The following DNAH9 variants were observed in gnomAD, a reference collection of about 807,000 sequenced individuals.
DNAH9 encodes the protein dynein axonemal heavy chain 9.
A neutral mutation model predicts 471.6 loss-of-function variants in DNAH9; 345 were observed. That is an observed-to-expected ratio of 0.73 (90% confidence interval 0.67 to 0.80). The LOEUF is 0.80. DNAH9 is among the 30% of genes least tolerant of loss of function. The probability of loss-of-function intolerance (pLI) is 0.00; values close to 1 mark genes in which losing one functional copy is unlikely to be tolerated. For synonymous variants in DNAH9, 2,093 were observed against 2,123.6 expected (o/e 0.99, Z 0.40); for missense variants, 5,407 against 5,609.2 (o/e 0.96, Z 1.15).
chr17:11,707,793 C>T (rs1461244377), intron 26 of DNAH9, among the ~76,000 whole-genome samples: 1 of 152,048 alleles, frequency 6.6e-6, no homozygotes, highest in Admixed American at 6.6e-5. Context: ...GTTCCTTGAT[C>T]ACCTGGAGTT....
intron 50 of DNAH9, among the ~76,000 whole-genome samples, chr17:11,857,350 C>T (rs1378712771): frequency 6.6e-6 from 1 of 152,148 alleles, no homozygotes; most frequent in African/African-American, 2.4e-5. Context: ...CCTCTCCATC[C>T]TCCACTTATA....
At position 11,619,540 on chromosome 17, in the gene DNAH9, T is replaced by C; in HGVS notation, c.1117-8T>C. On this transcript the variant is annotated splice_polypyrimidine_tract_variant and splice_region_variant and intron_variant, in intron 5 of 68. Coordinates refer to ENST00000262442, the MANE Select transcript of DNAH9 (RefSeq NM_001372.4). Reference sequence around the variant, plus strand: ...CTGCTCAGTGATACTAATCTGTTTGTATACCAGGCCTCTAATTATCTCAGC... The same window carrying C: ...CTGCTCAGTGATACTAATCTGTTTGCATACCAGGCCTCTAATTATCTCAGC... 6.4e-7 allele frequency: 1 copy of C among 1,563,902 alleles called. No individual in the cohort carries two copies. The highest frequency in any genetic ancestry group is 8.8e-7 in the Non-Finnish European group (1 of 1,134,358).
chr17:11,807,870 A>T lies in DNAH9; in HGVS notation c.8559A>T (p.Lys2853Asn), dbSNP rs61744380. 7.8e-5 allele frequency: 126 copies of T among 1,611,522 alleles called. No individual in the cohort carries two copies. In the African/African-American group the frequency reaches 1.2e-3, roughly 16 times the overall value. The change falls in exon 44 of 69, where the codon AAA (lysine) becomes AAT (asparagine). Residue 2853 changes from lysine to asparagine, a missense_variant. By Grantham distance (94) the Lys-to-Asn change is moderately conservative (BLOSUM62 0). Around this residue, in one of 3 missense-constraint regions of DNAH9, gnomAD observed 4,636 missense variants for 4,900.3 expected, o/e 0.95. Transcript: ENST00000262442. ...ATGTCTTCCAGATCACACTGCGCAAAGGCTACCAGATCCAGGACTTCAAGG... is the reference window on the plus strand; with the variant it reads ...ATGTCTTCCAGATCACACTGCGCAATGGCTACCAGATCCAGGACTTCAAGG... Reference protein sequence around the residue: ...SMDVFQITLRKGYQIQDFKMD... With the variant: ...SMDVFQITLRNGYQIQDFKMD...
At chr17:11,757,500 G>T (rs1317870919) in intron 34 of DNAH9, 45 bp from the exon 35 acceptor site, 1 of 1,518,488 alleles carries the variant, frequency 6.6e-7, no homozygotes, top group Non-Finnish European at 9.1e-7. Context: ...AAAATATAAT[G>T]ATGTATATGG....
In DNAH9 at chr17:11,763,424, G is replaced by T. The variant is rs754566136; in HGVS notation, c.6996-16G>T. On this transcript the variant is annotated splice_polypyrimidine_tract_variant and intron_variant, in intron 35 of 68. Transcript: ENST00000262442. The stretch of plus-strand genomic sequence containing the variant: ...TATCCTCTGTGTTTCAGATCCCCTC[G>T]GGTCTCTCTTTGCAGGTTTAAGAAG... 2 of 1,611,490 alleles carry T rather than the reference G, an allele frequency of 1.2e-6. No individual in the cohort carries two copies. Among genetic ancestry groups the T allele is most frequent in the East Asian group, 2.2e-5 (1 of 44,832 alleles).
At chr17:11,914,518 A>T (rs112400075) in intron 61 of DNAH9, among the ~76,000 whole-genome samples, 3 of 152,160 alleles carry the variant, frequency 2.0e-5, no homozygotes, top group Admixed American at 6.5e-5. Context: ...GCTGGCATAA[A>T]TTATCAGAAA....
intron 41 of DNAH9, among the ~76,000 whole-genome samples, chr17:11,784,880 A>G (rs1968807009): frequency 7.3e-6 from 1 of 136,106 alleles, no homozygotes; most frequent in Admixed American, 6.8e-5. Flanking sequence ...AGAAAGAAAG[A>G]AAACTATTTT....
intron 28 of DNAH9, among the ~76,000 whole-genome samples, chr17:11,738,365 G>A (rs2075381536): frequency 6.6e-6 from 1 of 152,140 alleles, no homozygotes; most frequent in Non-Finnish European, 1.5e-5. Context: ...AAATGTGGCT[G>A]TGGGCAGCCA....
In DNAH9 at chr17:11,930,028, A is replaced by C. The variant is rs1483390096; in HGVS notation, c.12040A>C (p.Ile4014Leu). 2 of 1,614,080 alleles carry C rather than the reference A, an allele frequency of 1.2e-6. No individual in the cohort carries two copies. Among genetic ancestry groups the C allele is most frequent in the Non-Finnish European group, 1.7e-6 (2 of 1,180,014 alleles). Reference sequence around the variant, plus strand: ...GGGCATCCTGGAGAACTCCATTAAGATCACCAATGAGCCCCCCACGGGCAT... The same window carrying C: ...GGGCATCCTGGAGAACTCCATTAAGCTCACCAATGAGCCCCCCACGGGCAT... ...PQGILENSIKITNEPPTGMHA... is the reference protein window; with the variant it reads ...PQGILENSIKLTNEPPTGMHA... Residue 4014 changes from isoleucine (I) to leucine (L), a missense_variant, in exon 63 of 69, where the codon ATC (isoleucine) becomes CTC (leucine). Physicochemically the swap from Ile to Leu is conservative, Grantham distance 5. Transcript: ENST00000262442.
At chr17:11,739,243 C>G (rs1303056009) in intron 29 of DNAH9, among the ~76,000 whole-genome samples, 2 of 152,194 alleles carry the variant, frequency 1.3e-5, no homozygotes, top group African/African-American at 4.8e-5. Context: ...CATTTTAAAT[C>G]CATACGTTGG....
At chr17:11,685,100 G>A (rs1236079833) in intron 19 of DNAH9, among the ~76,000 whole-genome samples, 2 of 152,082 alleles carry the variant, frequency 1.3e-5, no homozygotes, top group Non-Finnish European at 2.9e-5. Flanking sequence ...AGGACTTATA[G>A]CCTCAGGGAC....
At chr17:11,799,107 G>T (rs148703647) in intron 43 of DNAH9, among the ~76,000 whole-genome samples, 2 of 152,074 alleles carry the variant, frequency 1.3e-5, no homozygotes, top group Admixed American at 1.3e-4. Context: ...TCCTTGGCTT[G>T]CTTGGCTCCC....
chr17:11,619,962 G>A, intron 6 of DNAH9, 181 bp downstream of exon 6: 2 of 581,546 alleles, frequency 3.4e-6, no homozygotes, highest in Admixed American at 3.0e-5. Flanking sequence ...AATCCCACTA[G>A]CACTTTGGGA....
intron 17 of DNAH9, among the ~76,000 whole-genome samples, chr17:11,679,335 A>G (rs555834758): frequency 6.6e-6 from 1 of 152,336 alleles, no homozygotes; most frequent in South Asian, 2.1e-4. Flanking sequence ...TCACAAAGCA[A>G]TGCTATCGCA....
At chr17:11,610,644 G>A (rs1331354159) in intron 3 of DNAH9, 90 bp downstream of exon 3, 8 of 1,267,546 alleles carry the variant, frequency 6.3e-6, no homozygotes, top group Non-Finnish European at 7.7e-6. Flanking sequence ...CCACCATTGA[G>A]CCTATTCTTC....
At chr17:11,608,472 C>A (rs1199279352) in intron 2 of DNAH9, 147 bp downstream of exon 2, 2 of 667,592 alleles carry the variant, frequency 3.0e-6, no homozygotes, top group Non-Finnish European at 2.5e-6. Context: ...TTTGCCGACA[C>A]CCTCAGACTG....
At chr17:11,612,504 C>T (rs978475914) in intron 4 of DNAH9, 2 of 152,290 alleles carry the variant, frequency 1.3e-5, no homozygotes, top group African/African-American at 4.8e-5. Flanking sequence ...CAGGTCCCTC[C>T]ACCTTTGGCT....
chr17:11,672,477 C>CA (rs1567708557), intron 17 of DNAH9, among the ~76,000 whole-genome samples: 1 of 152,144 alleles, frequency 6.6e-6, no homozygotes, highest in Non-Finnish European at 1.5e-5. Context: ...GGTTGCTCTT[C>CA]AGTGCTGCTT....
chr17:11,793,567 A>AT lies in DNAH9; in HGVS notation c.8127dup (p.Glu2710Ter). On this transcript the variant is annotated frameshift_variant, in exon 42 of 69. Transcript: ENST00000262442. LOFTEE classifies it high-confidence loss of function. ...TGGGATCTTATAAGGCTCTATCTGC[A>AT]TGAATCAAATCGAGTTTATCGGGAT... 4 of 1,614,058 alleles carry AT rather than the reference A, an allele frequency of 2.5e-6. No individual in the cohort carries two copies. The highest frequency in any genetic ancestry group is 1.7e-6 in the Non-Finnish European group (2 of 1,179,904).
Sources: allele counts gnomAD v4.1 joint callset (sites outside exome capture counted in the v4.1 genomes callset), GRCh38; gene constraint gnomAD v4.1.1; regional missense constraint gnomAD v4.1.1; transcripts MANE v1.5; gene names NCBI Gene and HGNC (gene_info 2026-07-23, HGNC 2026-07-21).